The following RHOJ variants were observed in gnomAD, a reference collection of about 807,000 sequenced individuals.
The protein encoded by RHOJ is ras homolog family member J, also known as rho-related GTP-binding protein RhoJ.
Under a neutral mutation model 23.4 loss-of-function variants are expected in RHOJ, and 11 were observed. The observed-to-expected ratio is 0.47, with a 90% CI of 0.30 to 0.78. RHOJ has a LOEUF of 0.78. Among genes scored for constraint, RHOJ ranks in the 30% least tolerant of loss-of-function variants. The pLI, the probability that RHOJ is intolerant of heterozygous loss-of-function variation, is 0.08. For synonymous variants in RHOJ, 102 were observed against 102.7 expected (o/e 0.99, Z 0.04); for missense variants, 254 against 273.4 (o/e 0.93, Z 0.50).
At chr14:63,253,260 C>T (rs1450552435) in intron 1 of RHOJ, among the ~76,000 whole-genome samples, 1 of 152,166 alleles carries the variant, frequency 6.6e-6, no homozygotes, top group Non-Finnish European at 1.5e-5. Flanking sequence ...GCTTTGAAAG[C>T]ATATAGGCTT....
intron 1 of RHOJ, among the ~76,000 whole-genome samples, chr14:63,219,504 CT>C (rs2139735545): frequency 6.6e-6 from 1 of 151,862 alleles, no homozygotes; most frequent in African/African-American, 2.4e-5. Flanking sequence ...TCTAAACTTT[CT>C]TTGGTAAGTG....
chr14:63,222,172 G>A (rs1480059417), intron 1 of RHOJ, among the ~76,000 whole-genome samples: 1 of 151,948 alleles, frequency 6.6e-6, no homozygotes, highest in East Asian at 1.9e-4. Flanking sequence ...ATTTATGGCT[G>A]CATAGTATTC....
chr14:63,267,152 A>G (rs1467962823), intron 1 of RHOJ, among the ~76,000 whole-genome samples: 1 of 152,216 alleles, frequency 6.6e-6, no homozygotes, highest in Non-Finnish European at 1.5e-5. Flanking sequence ...GAGGAAACAG[A>G]AAGCTTCGTC....
chr14:63,235,065 C>G, intron 1 of RHOJ, among the ~76,000 whole-genome samples: 1 of 152,056 alleles, frequency 6.6e-6, no homozygotes. Flanking sequence ...AAGGTGAAAG[C>G]ACTTTGGTGA....
chr14:63,214,404 T>C (rs945678192), intron 1 of RHOJ, among the ~76,000 whole-genome samples: 8 of 152,214 alleles, frequency 5.3e-5, no homozygotes, highest in African/African-American at 1.9e-4. Flanking sequence ...ATGGTGCCTA[T>C]GAATCAAGCC....
intron 1 of RHOJ, among the ~76,000 whole-genome samples, chr14:63,232,069 C>T (rs1218660050): frequency 6.6e-6 from 1 of 152,098 alleles, no homozygotes; most frequent in Admixed American, 6.6e-5. Flanking sequence ...CTGGCATGCC[C>T]GAGGCAGGGA....
At chr14:63,247,112 G>T (rs1894989373) in intron 1 of RHOJ, among the ~76,000 whole-genome samples, 2 of 152,204 alleles carry the variant, frequency 1.3e-5, no homozygotes, top group South Asian at 2.1e-4. Context: ...AGGAATCTTG[G>T]CCTTGATCTT....
chr14:63,286,682 C>T (rs903751249), intron 4 of RHOJ, among the ~76,000 whole-genome samples: 5 of 152,226 alleles, frequency 3.3e-5, no homozygotes, highest in African/African-American at 1.2e-4. Context: ...AGCATTTCCT[C>T]ATCAACAGAA....
At chr14:63,225,240 C>G (rs558606948) in intron 1 of RHOJ, among the ~76,000 whole-genome samples, 3 of 152,288 alleles carry the variant, frequency 2.0e-5, no homozygotes, top group African/African-American at 4.8e-5. Flanking sequence ...CGCAAGCCAC[C>G]ATGCCCGGCC....
rs78499820 is a variant in RHOJ, at chr14:63,238,909, T to C, written c.179-30201T>C. Among the ~76,000 whole-genome samples, 613 of 152,282 alleles carry C rather than the reference T, an allele frequency of 4.0e-3. 14 individuals are homozygous for C. The East Asian group carries it at 0.056, about 14-fold the overall frequency. ...GATGATGCAGCTTAATTAAGAAACA[T>C]GCCCATGGTGGCATCATGCTTGAGT... On this transcript the variant is annotated intron_variant, in intron 1 of 4. Coordinates refer to ENST00000316754, the MANE Select transcript of RHOJ (RefSeq NM_020663.5).
rs141505966 is a variant in RHOJ at position 63,234,808 on chromosome 14, G to A, written c.178+29761G>A. ...TCTCTGTCCCCACAGAGCTCCATCCGCACTATTATGCAAATAACTGTTTTC... is the reference window on the plus strand; with the variant it reads ...TCTCTGTCCCCACAGAGCTCCATCCACACTATTATGCAAATAACTGTTTTC... On this transcript the variant is annotated intron_variant, in intron 1 of 4. Transcript: ENST00000316754. Among the ~76,000 whole-genome samples the A allele has an allele frequency of 6.2e-3, 949 of 152,190 alleles. 6 individuals are homozygous for A. The highest frequency in any genetic ancestry group is 8.3e-3 in the Non-Finnish European group (566 of 68,014).
intron 1 of RHOJ, among the ~76,000 whole-genome samples, chr14:63,220,495 C>A (rs1420566070): frequency 7.5e-5 from 11 of 147,534 alleles, no homozygotes; most frequent in South Asian, 4.3e-4. Context: ...AGAAAAAAAA[C>A]AACAACCAAC....
At chr14:63,239,654 T>C (rs1894850256) in intron 1 of RHOJ, among the ~76,000 whole-genome samples, 1 of 152,268 alleles carries the variant, frequency 6.6e-6, no homozygotes, top group Non-Finnish European at 1.5e-5. Flanking sequence ...CTGACTTGAC[T>C]GACCTACTGC....
intron 1 of RHOJ, among the ~76,000 whole-genome samples, chr14:63,207,098 C>T (rs983407075): frequency 6.7e-6 from 1 of 150,154 alleles, no homozygotes; most frequent in Non-Finnish European, 1.5e-5. Flanking sequence ...GTGGCATGAT[C>T]TCGGCTCACT....
intron 4 of RHOJ, chr14:63,288,261 G>A (rs545347907): frequency 1.0e-6 from 1 of 985,350 alleles, no homozygotes; most frequent in East Asian, 1.1e-4. Context: ...CATGCTGTCA[G>A]CTGCACACTG....
chr14:63,223,723 T>G (rs1894540521), intron 1 of RHOJ, among the ~76,000 whole-genome samples: 3 of 152,166 alleles, frequency 2.0e-5, no homozygotes, highest in South Asian at 4.2e-4. Context: ...GATATATTAA[T>G]ATATTCCTCG....
chr14:63,243,709 C>T (rs8007945), intron 1 of RHOJ, among the ~76,000 whole-genome samples: 58,281 of 152,054 alleles, frequency 0.38, 15,420 homozygotes, highest in African/African-American at 0.75. Context: ...TAAGTCTAAA[C>T]GGCAAGGACA....
intron 4 of RHOJ, among the ~76,000 whole-genome samples, chr14:63,285,122 AT>A (rs1386690559): frequency 6.6e-6 from 1 of 152,178 alleles, no homozygotes; most frequent in African/African-American, 2.4e-5. Context: ...GCTAGCATTT[AT>A]GGAGTGTTTA....
chr14:63,268,789 G>C (rs1455248533), intron 1 of RHOJ, among the ~76,000 whole-genome samples: 1 of 152,168 alleles, frequency 6.6e-6, no homozygotes, highest in Non-Finnish European at 1.5e-5. Context: ...AAGGGGCCCA[G>C]CATTCTTTTT....
Sources: gnomAD v4.1 joint callset for allele counts (sites outside exome capture counted in the v4.1 genomes callset) on GRCh38, gnomAD v4.1.1 for gene constraint, MANE v1.5 for transcripts, NCBI Gene and HGNC (gene_info 2026-07-23, HGNC 2026-07-21) for gene names.